OTUD7A: variants seen among roughly 807,000 people sequenced by gnomAD.
The protein encoded by OTUD7A is OTU domain-containing protein 7A.
In OTUD7A, 12 loss-of-function variants were observed where a neutral mutation model predicts 65.7. The observed-to-expected ratio is 0.18, with a 90% CI of 0.12 to 0.30. The LOEUF (loss-of-function observed/expected upper bound fraction) is 0.30, where lower values mean the gene tolerates loss of function less well. Ranked by LOEUF, OTUD7A falls within the 10% of genes least tolerant of loss-of-function variation. OTUD7A has a pLI of 1.00. For synonymous variants in OTUD7A, 641 were observed against 586.3 expected (o/e 1.09, Z -1.35); for missense variants, 1,148 against 1,304.8 (o/e 0.88, Z 1.85).
chr15:31,549,253 C>A (rs1888240593), intron 5 of OTUD7A, among the ~76,000 whole-genome samples: 1 of 151,728 alleles, frequency 6.6e-6, no homozygotes, highest in Non-Finnish European at 1.5e-5. Flanking sequence ...ATCAGGAAAT[C>A]AAAAAAATTC....
chr15:31,772,059 C>T (rs1482605144), intron 1 of OTUD7A, among the ~76,000 whole-genome samples: 24 of 151,596 alleles, frequency 1.6e-4, no homozygotes, highest in African/African-American at 5.1e-4. Flanking sequence ...GAGACCATCC[C>T]GGCTAAAACG....
chr15:31,503,101 T>C (rs968597342), intron 9 of OTUD7A, among the ~76,000 whole-genome samples: 1 of 152,024 alleles, frequency 6.6e-6, no homozygotes, highest in Non-Finnish European at 1.5e-5. Flanking sequence ...CAGTTTCATC[T>C]CTGTAAAGTG....
At chr15:31,817,525 TCTTTC>T (rs1896581494) in intron 1 of OTUD7A, among the ~76,000 whole-genome samples, 2 of 152,184 alleles carry the variant, frequency 1.3e-5, no homozygotes, top group Admixed American at 6.5e-5. Context: ...CTCCTTTGGG[TCTTTC>T]CTTTGCTGAT....
At chr15:31,664,767 C>G (rs1374500506) in intron 1 of OTUD7A, among the ~76,000 whole-genome samples, 1 of 152,182 alleles carries the variant, frequency 6.6e-6, no homozygotes, top group Admixed American at 6.5e-5. Context: ...CCAATGTTAT[C>G]TTCTAGAACT....
intron 3 of OTUD7A, among the ~76,000 whole-genome samples, chr15:31,587,359 C>A (rs902762594): frequency 6.6e-6 from 1 of 152,000 alleles, no homozygotes; most frequent in South Asian, 2.1e-4. Context: ...AAATCTTGGC[C>A]GGGCGCGGTG....
At chr15:31,522,229 C>T (rs1401907932) in intron 8 of OTUD7A, among the ~76,000 whole-genome samples, 4 of 152,218 alleles carry the variant, frequency 2.6e-5, no homozygotes, top group Non-Finnish European at 5.9e-5. Context: ...AGAGGGCTTT[C>T]ACCAATATGG....
At chr15:31,787,140 T>C (rs1375666145) in intron 1 of OTUD7A, among the ~76,000 whole-genome samples, 1 of 152,194 alleles carries the variant, frequency 6.6e-6, no homozygotes, top group African/African-American at 2.4e-5. Context: ...GATGGAGAAC[T>C]GGCAATTTGA....
intron 1 of OTUD7A, among the ~76,000 whole-genome samples, chr15:31,709,020 G>T (rs1231444857): frequency 1.3e-5 from 2 of 151,444 alleles, no homozygotes; most frequent in African/African-American, 4.9e-5. Flanking sequence ...GAAGAGACTA[G>T]ACAGAATCCG....
intron 1 of OTUD7A, among the ~76,000 whole-genome samples, chr15:31,749,242 T>A (rs201399455): frequency 1.3e-5 from 2 of 152,140 alleles, no homozygotes; most frequent in Admixed American, 6.5e-5. Flanking sequence ...CATATGTAAC[T>A]AACCTGCACG....
intron 1 of OTUD7A, among the ~76,000 whole-genome samples, chr15:31,776,611 A>G (rs758453099): frequency 4.6e-5 from 7 of 152,208 alleles, no homozygotes; most frequent in Non-Finnish European, 8.8e-5. Context: ...TTCCTCTACT[A>G]AAGCTACAAC....
At chr15:31,843,761 C>T (rs1184848395) in intron 1 of OTUD7A, among the ~76,000 whole-genome samples, 1 of 152,164 alleles carries the variant, frequency 6.6e-6, no homozygotes, top group Admixed American at 6.5e-5. Context: ...ACCTGCATCA[C>T]ATAATGATAT....
intron 3 of OTUD7A, among the ~76,000 whole-genome samples, chr15:31,625,613 T>C (rs925141532): frequency 2.0e-5 from 3 of 152,196 alleles, no homozygotes; most frequent in African/African-American, 7.2e-5. Context: ...CATCTGCCTA[T>C]GACCTAGCTA....
intron 1 of OTUD7A, among the ~76,000 whole-genome samples, chr15:31,863,895 C>G (rs1328517098): frequency 6.6e-6 from 1 of 152,162 alleles, no homozygotes; most frequent in Non-Finnish European, 1.5e-5. Context: ...CTCTCTTTCC[C>G]TTTTAAAATG....
At chr15:31,664,817 CTT>C (rs1419516031) in intron 1 of OTUD7A, among the ~76,000 whole-genome samples, 3 of 152,168 alleles carry the variant, frequency 2.0e-5, no homozygotes, top group Admixed American at 6.5e-5. Context: ...ATTAATCCCT[CTT>C]GAGTTGATTT....
At chr15:31,738,653 A>C (rs1894256855) in intron 1 of OTUD7A, among the ~76,000 whole-genome samples, 1 of 152,164 alleles carries the variant, frequency 6.6e-6, no homozygotes, top group Admixed American at 6.5e-5. Context: ...CTGTACATGC[A>C]CACGCTGCTC....
intron 3 of OTUD7A, among the ~76,000 whole-genome samples, chr15:31,635,907 A>G (rs958304271): frequency 1.3e-5 from 2 of 152,230 alleles, no homozygotes; most frequent in Non-Finnish European, 2.9e-5. Context: ...CCCACTTGCC[A>G]GCTGGTCTCC....
At chr15:31,578,377 C>T (rs1010994544) in intron 3 of OTUD7A, among the ~76,000 whole-genome samples, 1 of 152,176 alleles carries the variant, frequency 6.6e-6, no homozygotes, top group Non-Finnish European at 1.5e-5. Context: ...AGCCTGCTAC[C>T]TGAAGGCTTC....
intron 7 of OTUD7A, 21 bp from the exon 8 acceptor site, chr15:31,526,482 C>T (rs765012071): frequency 6.5e-7 from 1 of 1,542,926 alleles, no homozygotes. Context: ...GGAGCCGGCT[C>T]AGAAGGGGGG....
At chr15:31,490,565 T>G (rs529717134) in intron 10 of OTUD7A, among the ~76,000 whole-genome samples, 131 of 152,282 alleles carry the variant, frequency 8.6e-4, no homozygotes, top group Non-Finnish European at 1.7e-3. Flanking sequence ...GACAGGTGCC[T>G]CCAAGGAGAG....
Sources: allele counts gnomAD v4.1 joint callset (sites outside exome capture counted in the v4.1 genomes callset), GRCh38; gene constraint gnomAD v4.1.1; transcripts MANE v1.5; gene names NCBI Gene and HGNC (gene_info 2026-07-23, HGNC 2026-07-21).